Variants in ITGA9 observed in about 807,000 individuals in gnomAD.
ITGA9 encodes the protein integrin alpha-9.
Under a neutral mutation model 127.8 loss-of-function variants are expected in ITGA9, and 56 were observed. That is an observed-to-expected ratio of 0.44 (90% CI 0.35 to 0.55). The LOEUF is 0.55. Among genes scored for constraint, ITGA9 ranks in the 20% least tolerant of loss-of-function variants. The probability of loss-of-function intolerance (pLI) is 0.00; values close to 1 mark genes in which losing one functional copy is unlikely to be tolerated. For missense variants in ITGA9, 1,196 were observed against 1,347.1 expected, an observed-to-expected ratio of 0.89 and a Z score of 1.76; for synonymous variants, 508 against 514.5, an observed-to-expected ratio of 0.99 and a Z score of 0.17.
At chr3:37,690,559 A>G (rs150819447) in intron 18 of ITGA9, among the ~76,000 whole-genome samples, 91 of 152,330 alleles carry the variant, frequency 6.0e-4, no homozygotes, top group African/African-American at 2.0e-3. Context: ...CTGTTATGGC[A>G]TGCATGGAAA....
At chr3:37,704,640 G>A (rs1029157195) in intron 18 of ITGA9, among the ~76,000 whole-genome samples, 1 of 152,082 alleles carries the variant, frequency 6.6e-6, no homozygotes, top group Non-Finnish European at 1.5e-5. Flanking sequence ...AATATCACTG[G>A]GAAAAACCCA....
At chr3:37,788,331 G>GA (rs1195581367) in intron 26 of ITGA9, among the ~76,000 whole-genome samples, 1 of 152,092 alleles carries the variant, frequency 6.6e-6, no homozygotes, top group Non-Finnish European at 1.5e-5. Context: ...ACTAGGATAT[G>GA]AAAAACTTCA....
intron 18 of ITGA9, among the ~76,000 whole-genome samples, chr3:37,711,171 G>C (rs1207561007): frequency 6.6e-6 from 1 of 152,134 alleles, no homozygotes; most frequent in Non-Finnish European, 1.5e-5. Context: ...GGACTGGAGT[G>C]GTGGAACCCT....
At chr3:37,779,228 C>T (rs1696946106) in intron 24 of ITGA9, among the ~76,000 whole-genome samples, 1 of 152,094 alleles carries the variant, frequency 6.6e-6, no homozygotes, top group Admixed American at 6.6e-5. Flanking sequence ...CCTCAGCCTC[C>T]CCAGCAGCTG....
Position 37,512,891 on chromosome 3 carries a change from C to T in ITGA9, c.898-872C>T, listed in dbSNP as rs568110899. ...TTTTTTTCTTATGCCTGTTATATCA[C>T]CTGCCTGGATCCTGTTGGTATTTGG... is the stretch of plus-strand genomic sequence containing the variant. On this transcript the variant is annotated intron_variant, in intron 8 of 27. Coordinates refer to ENST00000264741, the MANE Select transcript of ITGA9 (RefSeq NM_002207.3). Among the ~76,000 whole-genome samples, 8 of 152,222 alleles carry T rather than the reference C, an allele frequency of 5.3e-5. No individual in the cohort carries two copies. The South Asian group carries it at 1.7e-3, about 32-fold the overall frequency.
At chr3:37,592,698 G>T (rs1203236252) in intron 15 of ITGA9, among the ~76,000 whole-genome samples, 2 of 152,188 alleles carry the variant, frequency 1.3e-5, no homozygotes, top group East Asian at 3.9e-4. Flanking sequence ...GACGAAGCCA[G>T]GAGTCCAAGG....
chr3:37,741,894 T>C, intron 21 of ITGA9, 75 bp downstream of exon 21: 1 of 1,208,848 alleles, frequency 8.3e-7, no homozygotes, highest in Non-Finnish European at 1.2e-6. Flanking sequence ...CATATTTGCA[T>C]GTGTAGCCAG....
intron 18 of ITGA9, among the ~76,000 whole-genome samples, chr3:37,710,828 G>A (rs1300535608): frequency 2.0e-5 from 3 of 152,206 alleles, no homozygotes; most frequent in Admixed American, 1.3e-4. Flanking sequence ...CTCTGGCCTC[G>A]CAGCCAGCTG....
In ITGA9 at chr3:37,659,425, A is replaced by C. The variant is rs148425914; in HGVS notation, c.1916+5635A>C. 8.8e-3 allele frequency among the ~76,000 whole-genome samples: 1,328 copies of C among 151,544 alleles called. 22 individuals carry two copies. Among genetic ancestry groups the C allele is most frequent in the African/African-American group, 0.031 (1,271 of 41,276 alleles). On this transcript the variant is annotated intron_variant, in intron 17 of 27. Coordinates refer to ENST00000264741, the MANE Select transcript of ITGA9 (RefSeq NM_002207.3). ...CTTGTCCTCATGCTTTATTTCATTA[A>C]GTTGATTTTCAGTCTCTGATATCCT...
Position 37,577,379 on chromosome 3 carries a change from C to A in ITGA9, c.1689+34794C>A, listed in dbSNP as rs187566344. 5.9e-5 allele frequency among the ~76,000 whole-genome samples: 9 copies of A among 152,314 alleles called. 1 individual carries two copies. The East Asian group carries it at 1.7e-3, about 29-fold the overall frequency. On this transcript the variant is annotated intron_variant, in intron 15 of 27. Transcript: ENST00000264741. ...CATAAAACCCAAATGATGCTGTTGG[C>A]CTCATCTGAGCTGAGAGTGGTGTTG... is the stretch of plus-strand genomic sequence containing the variant.
chr3:37,656,075 A>G (rs1436464846), intron 17 of ITGA9, among the ~76,000 whole-genome samples: 1 of 152,194 alleles, frequency 6.6e-6, no homozygotes, highest in African/African-American at 2.4e-5. Flanking sequence ...TACCAGTACC[A>G]TGCTGTTTTG....
At chr3:37,497,411 G>T (rs1441086771) in intron 5 of ITGA9, among the ~76,000 whole-genome samples, 3 of 151,458 alleles carry the variant, frequency 2.0e-5, no homozygotes, top group African/African-American at 4.9e-5. Flanking sequence ...GGCATGAACA[G>T]CTGGGCAGGA....
intron 3 of ITGA9, among the ~76,000 whole-genome samples, chr3:37,480,052 C>T (rs760250693): frequency 5.3e-5 from 8 of 152,068 alleles, no homozygotes; most frequent in Non-Finnish European, 1.0e-4. Context: ...GTGAAGTGAA[C>T]TGATATCAGA....
chr3:37,713,840 C>T (rs535257908), intron 18 of ITGA9, among the ~76,000 whole-genome samples: 2 of 152,342 alleles, frequency 1.3e-5, no homozygotes, highest in African/African-American at 4.8e-5. Flanking sequence ...GAGGATGACC[C>T]TCCAGGTGGC....
At chr3:37,761,019 T>C (rs985055708) in intron 23 of ITGA9, among the ~76,000 whole-genome samples, 1 of 152,056 alleles carries the variant, frequency 6.6e-6, no homozygotes, top group Non-Finnish European at 1.5e-5. Context: ...AGGGGCTGGG[T>C]GTGGTGGCTC....
intron 27 of ITGA9, chr3:37,818,679 C>T (rs1175478088): frequency 1.3e-5 from 8 of 604,674 alleles, no homozygotes; most frequent in Non-Finnish European, 2.1e-5. Context: ...AAACAGCTTA[C>T]GTAATATCAC....
At chr3:37,725,558 C>T (rs1434883590) in intron 18 of ITGA9, among the ~76,000 whole-genome samples, 1 of 152,186 alleles carries the variant, frequency 6.6e-6, no homozygotes. Flanking sequence ...GTGCCCGGCT[C>T]ACATCCTGGC....
chr3:37,668,114 C>T (rs1399701825), intron 17 of ITGA9, among the ~76,000 whole-genome samples: 1 of 152,138 alleles, frequency 6.6e-6, no homozygotes, highest in Non-Finnish European at 1.5e-5. Flanking sequence ...CCTACAGATA[C>T]CATATTTCAG....
intron 18 of ITGA9, among the ~76,000 whole-genome samples, chr3:37,714,488 T>C (rs1701112907): frequency 6.6e-6 from 1 of 152,156 alleles, no homozygotes; most frequent in African/African-American, 2.4e-5. Flanking sequence ...CATCCCCTGC[T>C]CAGAAGGGGC....
Sources: gnomAD v4.1 joint callset for allele counts (sites outside exome capture counted in the v4.1 genomes callset) on GRCh38, gnomAD v4.1.1 for gene constraint, MANE v1.5 for transcripts, NCBI Gene and HGNC (gene_info 2026-07-23, HGNC 2026-07-21) for gene names.